The following ASMT variants were observed in gnomAD, a reference collection of about 807,000 sequenced individuals.
ASMT encodes the protein acetylserotonin O-methyltransferase.
A neutral mutation model predicts 41.3 loss-of-function variants in ASMT; 53 were observed. That is an observed-to-expected ratio of 1.28 (90% CI 1.03 to 1.61). ASMT has a LOEUF of 1.61. Ranked by LOEUF, ASMT falls within the 40% of genes most tolerant of loss-of-function variation. The pLI is 0.00. For synonymous variants in ASMT, 231 were observed against 184.8 expected, an observed-to-expected ratio of 1.25 and a Z score of -2.03; for missense variants, 531 against 441.3, an observed-to-expected ratio of 1.20 and a Z score of -1.82.
chrX:1,620,601 C>A (rs1423732759), intron 1 of ASMT, among the ~76,000 whole-genome samples: 2 of 151,952 alleles, frequency 1.3e-5, no homozygotes, highest in Non-Finnish European at 2.9e-5. Context: ...AAGCTAATAC[C>A]ACTTGAATAG....
In ASMT at chrX:1,628,204, C is replaced by G. The variant is rs568042224; in HGVS notation, c.443+433C>G. Among the ~76,000 whole-genome samples, 34 of 152,242 alleles carry G rather than the reference C, an allele frequency of 2.2e-4. 2 individuals carry two copies. The highest frequency in any genetic ancestry group is 7.7e-4 in the African/African-American group (32 of 41,542). On this transcript the variant is annotated intron_variant, in intron 4 of 8. Transcript: ENST00000381241. ...GGCGTGGTGGCGGACGCCTGTAATC[C>G]CAGCTAGTCGGGAGGCTGAGGCAGG...
chrX:1,616,909 CGTGTTAGCCAGG>C (rs1310561895), intron 1 of ASMT, among the ~76,000 whole-genome samples: 6 of 151,686 alleles, frequency 4.0e-5, no homozygotes, highest in African/African-American at 1.5e-4. Context: ...GGGGTTTCAC[CGTGTTAGCCAGG>C]ATGGTCTCGA....
chrX:1,629,324 T>TG (rs1225801382), intron 4 of ASMT, among the ~76,000 whole-genome samples: 65 of 151,666 alleles, frequency 4.3e-4, no homozygotes, highest in East Asian at 1.9e-3. Context: ...GAGGGAGCTG[T>TG]GGGGGGGGAG....
chrX:1,623,455 C>G, intron 2 of ASMT, 142 bp downstream of exon 2: 3 of 1,098,816 alleles, frequency 2.7e-6, no homozygotes, highest in Non-Finnish European at 2.7e-6. Context: ...AAAAATTAGC[C>G]GGGTGTGGTG....
chrX:1,616,615 A>G (rs1212299347), intron 1 of ASMT, among the ~76,000 whole-genome samples: 1 of 151,498 alleles, frequency 6.6e-6, no homozygotes, highest in Non-Finnish European at 1.5e-5. Flanking sequence ...GACACCTGTC[A>G]TCCCAACGGT....
chrX:1,619,786 C>T (rs1405106183), intron 1 of ASMT, among the ~76,000 whole-genome samples: 6 of 151,458 alleles, frequency 4.0e-5, no homozygotes, highest in East Asian at 1.9e-4. Flanking sequence ...CAAAACAGAA[C>T]GCTAATTTAA....
At chrX:1,617,940 A>C (rs1339317798) in intron 1 of ASMT, among the ~76,000 whole-genome samples, 4 of 152,094 alleles carry the variant, frequency 2.6e-5, no homozygotes, top group Non-Finnish European at 4.4e-5. Flanking sequence ...TCTTAGGAAG[A>C]GGTAGTGAAA....
chrX:1,616,408 G>A lies in ASMT; in HGVS notation c.69+1140G>A, dbSNP rs754731856. On this transcript the variant is annotated intron_variant, in intron 1 of 8. Transcript: ENST00000381241. ...AATGTGCAGAGCAGGCAAATCCTTC[G>A]AGGTGGAAAGTGGACTGGTGGTTTG... 1.1e-4 allele frequency among the ~76,000 whole-genome samples: 17 copies of A among 151,500 alleles called. No individual in the cohort carries two copies. In the South Asian group the frequency reaches 2.5e-3, roughly 22 times the overall value.
rs186757787 is a variant in ASMT at position 1,629,803 on chromosome X, C to T, written c.444-18C>T. 8,163 of 1,610,832 alleles carry T rather than the reference C, an allele frequency of 5.1e-3. 331 individuals are homozygous for T. The African/African-American group carries it at 0.096, about 19-fold the overall frequency. ...CCCAGATCCTCACCATCTTGACAAGCGTGGTTTTGCATGCCAGGTCCGAGG... is the reference window on the plus strand; with the variant it reads ...CCCAGATCCTCACCATCTTGACAAGTGTGGTTTTGCATGCCAGGTCCGAGG... On this transcript the variant is annotated intron_variant, in intron 4 of 8. Coordinates refer to ENST00000381241, the MANE Select transcript of ASMT (RefSeq NM_001171038.2).
chrX:1,642,654 T>A, intron 8 of ASMT, 149 bp from the exon 9 acceptor site: 1 of 725,434 alleles, frequency 1.4e-6, no homozygotes. Context: ...TGATGATCGA[T>A]GAGGACGTGG....
At chrX:1,615,870 C>G (rs1934076811) in intron 1 of ASMT, among the ~76,000 whole-genome samples, 1 of 151,820 alleles carries the variant, frequency 6.6e-6, no homozygotes, top group Non-Finnish European at 1.5e-5. Context: ...GGATTAGAAA[C>G]AAGACAATGT....
At chrX:1,622,127 G>T (rs1240036792) in intron 1 of ASMT, among the ~76,000 whole-genome samples, 1 of 152,010 alleles carries the variant, frequency 6.6e-6, no homozygotes, top group Non-Finnish European at 1.5e-5. Context: ...CGAGTAGCTG[G>T]GATACAGGTG....
chrX:1,616,286 C>T (rs1179891463), intron 1 of ASMT, among the ~76,000 whole-genome samples: 1 of 151,410 alleles, frequency 6.6e-6, no homozygotes, highest in Non-Finnish European at 1.5e-5. Context: ...GCCTCGGCCT[C>T]CCAAGGCCTC....
At position 1,643,051 on chromosome X, in the gene ASMT, C is replaced by G. The variant is rs186610418; in HGVS notation, c.*37C>G. On this transcript the variant is annotated 3_prime_UTR_variant, in exon 9 of 9. Coordinates refer to ENST00000381241, the MANE Select transcript of ASMT (RefSeq NM_001171038.2). The stretch of plus-strand genomic sequence containing the variant: ...GACCTGGAACTAACGTCAAAGCACA[C>G]AAGACATAATAATAAAGACATGTAC... 2.7e-5 allele frequency: 43 copies of G among 1,599,996 alleles called. No individual in the cohort carries two copies. The highest frequency in any genetic ancestry group is 3.5e-5 in the Non-Finnish European group (41 of 1,167,180).
rs1345597468 is a variant in ASMT, at chrX:1,623,226, G to T, written c.157G>T (p.Val53Leu). 6.2e-7 allele frequency: 1 copy of T among 1,613,730 alleles called. No individual in the cohort carries two copies. Among genetic ancestry groups the T allele is most frequent in the Non-Finnish European group, 8.5e-7 (1 of 1,179,872 alleles). ...PLDVAAVAAG[V>L]RASAHGTELL... ...GGACGTGGCGGCAGTGGCTGCAGGT[G>T]TGAGGGCCAGCGCCCATGGGACAGA... The change falls in exon 2 of 9, where the codon GTG becomes TTG. Residue 53 changes from valine (V) to leucine (L), a missense_variant. Val to Leu is a conservative substitution (Grantham distance 32, BLOSUM62 1). Transcript: ENST00000381241.
chrX:1,632,851 C>T (rs1384662470), intron 6 of ASMT, 64 bp downstream of exon 6: 2 of 509,844 alleles, frequency 3.9e-6, no homozygotes, highest in Non-Finnish European at 7.1e-6. Context: ...TGGGGCCTGT[C>T]AGGGCCTGGG....
At chrX:1,625,948 CCA>C (rs1934532472) in intron 3 of ASMT, among the ~76,000 whole-genome samples, 1 of 90,714 alleles carries the variant, frequency 1.1e-5, no homozygotes, top group Non-Finnish European at 1.9e-5. Flanking sequence ...GAGCGAGACT[CCA>C]TCTCAAAAAA....
At chrX:1,622,440 G>A (rs1569371751) in intron 1 of ASMT, among the ~76,000 whole-genome samples, 2 of 148,144 alleles carry the variant, frequency 1.4e-5, no homozygotes, top group Non-Finnish European at 3.0e-5. Flanking sequence ...ACAGGCATGA[G>A]CCACCACGCC....
At chrX:1,620,309 T>A (rs1310838440) in intron 1 of ASMT, among the ~76,000 whole-genome samples, 1 of 150,076 alleles carries the variant, frequency 6.7e-6, no homozygotes, top group Non-Finnish European at 1.5e-5. Flanking sequence ...ATAGGTGGGA[T>A]TACAGGCGTG....
Sources: allele counts gnomAD v4.1 joint callset (sites outside exome capture counted in the v4.1 genomes callset), GRCh38; gene constraint gnomAD v4.1.1; transcripts MANE v1.5; gene names NCBI Gene and HGNC (gene_info 2026-07-23, HGNC 2026-07-21).